The following CD86 variants were observed in gnomAD, a reference collection of about 807,000 sequenced individuals.
CD86 encodes CD86 molecule.
In CD86, 11 loss-of-function variants were observed where a neutral mutation model predicts 32.1. That is an observed-to-expected ratio of 0.34 (90% CI 0.22 to 0.57). The LOEUF is 0.57. Ranked by LOEUF, CD86 falls within the 20% of genes least tolerant of loss-of-function variation. The probability of loss-of-function intolerance (pLI) is 0.86; values close to 1 mark genes in which losing one functional copy is unlikely to be tolerated. For synonymous variants in CD86, 137 were observed against 135.3 expected, an observed-to-expected ratio of 1.01 and a Z score of -0.09; for missense variants, 359 against 398.4, an observed-to-expected ratio of 0.90 and a Z score of 0.84.
intron 2 of CD86, among the ~76,000 whole-genome samples, chr3:122,100,539 C>T (rs573607485): frequency 3.3e-5 from 5 of 152,218 alleles, no homozygotes; most frequent in African/African-American, 1.2e-4. Context: ...AGCATAGGAA[C>T]ATAAAGAAGA....
At chr3:122,080,243 A>C (rs147404021) in intron 1 of CD86, among the ~76,000 whole-genome samples, 1 of 152,314 alleles carries the variant, frequency 6.6e-6, no homozygotes, top group Admixed American at 6.5e-5. Flanking sequence ...ATGAGCACAG[A>C]CTAGAAGAAG....
chr3:122,076,366 A>G (rs576281157), intron 1 of CD86, among the ~76,000 whole-genome samples: 1 of 152,370 alleles, frequency 6.6e-6, no homozygotes, highest in Admixed American at 6.5e-5. Context: ...ATTAAGTGAA[A>G]TATGAGTTAC....
chr3:122,078,136 C>A, intron 1 of CD86: 2 of 772,938 alleles, frequency 2.6e-6, no homozygotes, highest in Non-Finnish European at 3.1e-6. Flanking sequence ...TGCTAATGGC[C>A]GGCCAGAGAA....
intron 1 of CD86, among the ~76,000 whole-genome samples, chr3:122,085,246 T>C (rs2072697828): frequency 1.3e-5 from 2 of 152,212 alleles, no homozygotes; most frequent in African/African-American, 2.4e-5. Flanking sequence ...TAAGATACTC[T>C]GTCAGAAGCC....
chr3:122,073,756 T>A (rs924217969), intron 1 of CD86, among the ~76,000 whole-genome samples: 3 of 152,126 alleles, frequency 2.0e-5, no homozygotes, highest in Non-Finnish European at 4.4e-5. Context: ...TAAGAATAAT[T>A]CAGGAACTGT....
At chr3:122,119,146 T>G (rs898888655) in intron 6 of CD86, among the ~76,000 whole-genome samples, 9 of 152,138 alleles carry the variant, frequency 5.9e-5, no homozygotes, top group Non-Finnish European at 1.3e-4. Flanking sequence ...CTGCCTACCC[T>G]GTCACACTCA....
chr3:122,069,064 C>A (rs1031881499), intron 1 of CD86, among the ~76,000 whole-genome samples: 2 of 152,162 alleles, frequency 1.3e-5, no homozygotes, highest in Admixed American at 1.3e-4. Context: ...GGTGTTTAAT[C>A]ATGAGGATAT....
chr3:122,105,308 C>T (rs1459107604), intron 3 of CD86, among the ~76,000 whole-genome samples: 6 of 152,212 alleles, frequency 3.9e-5, no homozygotes, highest in African/African-American at 1.4e-4. Context: ...TCACCTTCTA[C>T]AGGCCACATA....
chr3:122,107,768 A>C (rs2073114750), intron 4 of CD86, among the ~76,000 whole-genome samples: 1 of 152,152 alleles, frequency 6.6e-6, no homozygotes, highest in Non-Finnish European at 1.5e-5. Context: ...TGTTGTTCAG[A>C]TATAACTTGG....
At chr3:122,078,403 A>T (rs1301022149) in intron 1 of CD86, among the ~76,000 whole-genome samples, 1 of 152,182 alleles carries the variant, frequency 6.6e-6, no homozygotes, top group Non-Finnish European at 1.5e-5. Context: ...CAGTCCAAAG[A>T]TGTCAGCTCG....
intron 1 of CD86, among the ~76,000 whole-genome samples, chr3:122,065,912 CAG>C (rs1423312606): frequency 3.3e-5 from 5 of 152,050 alleles, no homozygotes; most frequent in Non-Finnish European, 5.9e-5. Context: ...TTGAAGGAAA[CAG>C]AGAGTTTAGA....
chr3:122,081,253 G>A (rs1294794658), intron 1 of CD86, among the ~76,000 whole-genome samples: 1 of 152,082 alleles, frequency 6.6e-6, no homozygotes, highest in Non-Finnish European at 1.5e-5. Flanking sequence ...AAAATTCCAT[G>A]GTCACTCCTC....
At chr3:122,103,929 A>G in intron 3 of CD86, 82 bp downstream of exon 3, 3 of 1,166,424 alleles carry the variant, frequency 2.6e-6, no homozygotes, top group South Asian at 2.9e-5. Flanking sequence ...CTGGAGGGGG[A>G]CTTGAGGGGC....
intron 2 of CD86, among the ~76,000 whole-genome samples, chr3:122,100,049 A>G (rs1411972219): frequency 6.6e-6 from 1 of 152,144 alleles, no homozygotes; most frequent in Non-Finnish European, 1.5e-5. Context: ...TCCAGGTGAA[A>G]AGTTTCAGGG....
chr3:122,093,316 A>T (rs1412720055), intron 2 of CD86, among the ~76,000 whole-genome samples: 1 of 152,186 alleles, frequency 6.6e-6, no homozygotes, highest in East Asian at 1.9e-4. Flanking sequence ...GCCATCGCAC[A>T]TGACTTATTT....
chr3:122,074,464 T>C (rs2072530665), intron 1 of CD86, among the ~76,000 whole-genome samples: 1 of 152,242 alleles, frequency 6.6e-6, no homozygotes, highest in African/African-American at 2.4e-5. Context: ...TTTCAATAAA[T>C]AATGCTGCTC....
rs953797656 is a variant in CD86 at position 122,092,661 on chromosome 3, C to A, written c.64+1011C>A. On this transcript the variant is annotated intron_variant, in intron 2 of 6. Transcript: ENST00000330540. ...CAGTGTCTCGTAGTTACTCCTGGCC[C>A]ACCCCTTCCTGCTGCTCCTTGTCTC... 2.0e-5 allele frequency among the ~76,000 whole-genome samples: 3 copies of A among 152,258 alleles called. No homozygotes were observed. In the East Asian group the frequency reaches 5.8e-4, roughly 29 times the overall value.
At chr3:122,109,135 G>A in intron 4 of CD86, 130 bp from the exon 5 acceptor site, 6 of 900,518 alleles carry the variant, frequency 6.7e-6, no homozygotes, top group Non-Finnish European at 1.0e-5. Context: ...GCCTCCTATT[G>A]TGGATTTCAG....
intron 1 of CD86, among the ~76,000 whole-genome samples, chr3:122,090,400 A>G (rs1227389886): frequency 1.3e-5 from 2 of 152,154 alleles, no homozygotes; most frequent in East Asian, 3.8e-4. Context: ...TTATCAACAG[A>G]CCTATGAATT....
Sources: gnomAD v4.1 joint callset for allele counts (sites outside exome capture counted in the v4.1 genomes callset) on GRCh38, gnomAD v4.1.1 for gene constraint, MANE v1.5 for transcripts, NCBI Gene and HGNC (gene_info 2026-07-23, HGNC 2026-07-21) for gene names.